The following POLR3B variants were observed in gnomAD, a reference collection of about 807,000 sequenced individuals.
POLR3B encodes DNA-directed RNA polymerase III subunit RPC2.
A neutral mutation model predicts 147.4 loss-of-function variants in POLR3B; 96 were observed. The observed-to-expected ratio is 0.65, with a 90% CI of 0.55 to 0.77. The LOEUF (loss-of-function observed/expected upper bound fraction) is 0.77, where lower values mean the gene tolerates loss of function less well. Ranked by LOEUF, POLR3B falls within the 30% of genes least tolerant of loss-of-function variation. POLR3B has a pLI of 0.00. For synonymous variants in POLR3B, 461 were observed against 485.9 expected (o/e 0.95, Z 0.67); for missense variants, 1,036 against 1,413.5 (o/e 0.73, Z 4.28).
chr12:106,460,843 A>G (rs2037923811), intron 22 of POLR3B, among the ~76,000 whole-genome samples: 1 of 152,104 alleles, frequency 6.6e-6, no homozygotes, highest in Non-Finnish European at 1.5e-5. Flanking sequence ...ATGTGCTCAG[A>G]TACTTTTTAC....
chr12:106,384,485 C>G (rs1386517186), intron 9 of POLR3B, among the ~76,000 whole-genome samples: 1 of 152,170 alleles, frequency 6.6e-6, no homozygotes, highest in East Asian at 1.9e-4. Context: ...TGCACTGACA[C>G]AGAGTGGTAA....
intron 27 of POLR3B, among the ~76,000 whole-genome samples, chr12:106,506,273 T>G (rs2038686575): frequency 6.6e-6 from 1 of 152,210 alleles, no homozygotes; most frequent in South Asian, 2.1e-4. Flanking sequence ...TCTTCAAATT[T>G]GACACAAGGA....
chr12:106,443,877 TGCAGTG>T (rs1221515355), intron 18 of POLR3B, among the ~76,000 whole-genome samples: 1 of 150,880 alleles, frequency 6.6e-6, no homozygotes, highest in East Asian at 2.0e-4. Context: ...CAGGCTGGAG[TGCAGTG>T]GCATGATCTC....
chr12:106,370,136 G>T (rs2036584329), intron 6 of POLR3B, among the ~76,000 whole-genome samples: 1 of 152,116 alleles, frequency 6.6e-6, no homozygotes, highest in South Asian at 2.1e-4. Flanking sequence ...CCTGATTAGG[G>T]AAATATATTG....
At chr12:106,461,045 C>A (rs2037926105) in intron 22 of POLR3B, among the ~76,000 whole-genome samples, 1 of 152,030 alleles carries the variant, frequency 6.6e-6, no homozygotes, top group Non-Finnish European at 1.5e-5. Context: ...CCTGAAACAG[C>A]TCCAGAAGAG....
chr12:106,400,505 A>C (rs1310043446), intron 10 of POLR3B, among the ~76,000 whole-genome samples: 1 of 152,228 alleles, frequency 6.6e-6, no homozygotes, highest in East Asian at 1.9e-4. Context: ...TCTCCACCCC[A>C]AATCAACAGA....
At chr12:106,388,479 A>G (rs577741232) in intron 9 of POLR3B, among the ~76,000 whole-genome samples, 4 of 152,188 alleles carry the variant, frequency 2.6e-5, no homozygotes, top group South Asian at 2.1e-4. Flanking sequence ...CACCACGCCC[A>G]GCTAATTTTT....
At chr12:106,470,682 G>T (rs1477053442) in intron 23 of POLR3B, among the ~76,000 whole-genome samples, 1 of 152,024 alleles carries the variant, frequency 6.6e-6, no homozygotes, top group African/African-American at 2.4e-5. Context: ...ATTCCTTTCT[G>T]TTTGTTAGTT....
At chr12:106,458,003 G>A (rs1446585304) in intron 21 of POLR3B, among the ~76,000 whole-genome samples, 3 of 152,208 alleles carry the variant, frequency 2.0e-5, no homozygotes, top group African/African-American at 4.8e-5. Flanking sequence ...GAAGACCAGC[G>A]TGGCTAACAA....
intron 12 of POLR3B, among the ~76,000 whole-genome samples, chr12:106,423,768 C>G (rs1031722775): frequency 2.6e-5 from 4 of 152,134 alleles, no homozygotes; most frequent in Admixed American, 2.6e-4. Context: ...CAGAGACACA[C>G]CCAGAAGTAA....
At chr12:106,378,418 A>G (rs1457851605) in intron 8 of POLR3B, 34 bp downstream of exon 8, 4 of 1,323,064 alleles carry the variant, frequency 3.0e-6, no homozygotes, top group South Asian at 2.4e-5. Context: ...CTTAAGCAAT[A>G]TTGGTCATTC....
intron 10 of POLR3B, among the ~76,000 whole-genome samples, chr12:106,402,380 A>G (rs1386042817): frequency 2.0e-5 from 3 of 152,206 alleles, no homozygotes; most frequent in African/African-American, 7.2e-5. Context: ...AAATGGCCAT[A>G]CTGCCCAAGG....
chr12:106,507,841 T>A (rs922165417), intron 27 of POLR3B: 1 of 455,096 alleles, frequency 2.2e-6, no homozygotes, highest in African/African-American at 2.0e-5. Flanking sequence ...TTTTACTGAT[T>A]GCAAAAATGA....
rs2038744978 is a variant in POLR3B, at chr12:106,509,659, T to G, written c.*110T>G. On this transcript the variant is annotated 3_prime_UTR_variant, in exon 28 of 28. Coordinates refer to ENST00000228347, the MANE Select transcript of POLR3B (RefSeq NM_018082.6). ...CTGTGAAGAATTCCCTTGCGTATTCTCTCTCTAAAACAACCAAAAAAAAAT... is the reference window on the plus strand; with the variant it reads ...CTGTGAAGAATTCCCTTGCGTATTCGCTCTCTAAAACAACCAAAAAAAAAT... 2.9e-6 allele frequency: 3 copies of G among 1,043,444 alleles called. No homozygotes were observed. The highest frequency in any genetic ancestry group is 4.3e-6 in the Non-Finnish European group (3 of 697,414). 64.6% of individuals were successfully genotyped at this position (1,043,444 alleles called of 1,614,324 possible).
In POLR3B at chr12:106,436,732, C is replaced by CTT. The variant is rs140114452; in HGVS notation, c.1782-323_1782-322dup. On this transcript the variant is annotated intron_variant, in intron 16 of 27. Transcript: ENST00000228347. ...TTAAAGGTTTTGTTTCCTTTTCAGA[C>CTT]TTTGAGTATCATTTTTGTGTTGCCT... Among the ~76,000 whole-genome samples the CTT allele has an allele frequency of 2.6e-3, 389 of 152,278 alleles. 3 individuals carry two copies. Among genetic ancestry groups the CTT allele is most frequent in the African/African-American group, 9.1e-3 (377 of 41,552 alleles).
At chr12:106,497,774 T>G (rs2038518788) in intron 25 of POLR3B, among the ~76,000 whole-genome samples, 1 of 152,202 alleles carries the variant, frequency 6.6e-6, no homozygotes, top group Admixed American at 6.5e-5. Context: ...GGTGTGTTGC[T>G]AGACATTAAA....
chr12:106,476,843 C>T (rs1192598029), intron 23 of POLR3B, among the ~76,000 whole-genome samples: 7 of 152,190 alleles, frequency 4.6e-5, no homozygotes, highest in African/African-American at 7.2e-5. Context: ...GTAATTTGAT[C>T]GTCTGAAGAC....
chr12:106,387,782 C>T (rs944043631), intron 9 of POLR3B, among the ~76,000 whole-genome samples: 1 of 152,164 alleles, frequency 6.6e-6, no homozygotes, highest in African/African-American at 2.4e-5. Context: ...TTTCCAGTCT[C>T]TTTAAGTCTT....
rs563970187 is a variant in POLR3B at position 106,462,501 on chromosome 12, A to G, written c.2571-977A>G. On this transcript the variant is annotated intron_variant, in intron 22 of 27. Coordinates refer to ENST00000228347, the MANE Select transcript of POLR3B (RefSeq NM_018082.6). Reference sequence around the variant, plus strand: ...ATGATCCGCCTGCCTTGACCTCCCAAAGTGCTGGGATTACAGGCATGAGCC... The same window carrying G: ...ATGATCCGCCTGCCTTGACCTCCCAGAGTGCTGGGATTACAGGCATGAGCC... 2.6e-5 allele frequency among the ~76,000 whole-genome samples: 4 copies of G among 152,184 alleles called. No individual in the cohort carries two copies. In the South Asian group the frequency reaches 8.3e-4, roughly 32 times the overall value.
Sources: gnomAD v4.1 joint callset for allele counts (sites outside exome capture counted in the v4.1 genomes callset) on GRCh38, gnomAD v4.1.1 for gene constraint, MANE v1.5 for transcripts, NCBI Gene and HGNC (gene_info 2026-07-23, HGNC 2026-07-21) for gene names.